IL7R: variants seen among roughly 807,000 people sequenced by gnomAD.
IL7R encodes interleukin 7 receptor.
IL7R carries 38 observed loss-of-function variants against 47.0 expected under a neutral mutation model. The observed-to-expected ratio is 0.81, with a 90% confidence interval of 0.62 to 1.06. The LOEUF (loss-of-function observed/expected upper bound fraction) is 1.06, where lower values mean the gene tolerates loss of function less well. IL7R is among the 50% of genes least tolerant of loss of function. The probability of loss-of-function intolerance (pLI) is 0.00; values close to 1 mark genes in which losing one functional copy is unlikely to be tolerated. For missense variants in IL7R, 633 were observed against 534.8 expected, an observed-to-expected ratio of 1.18 and a Z score of -1.81; for synonymous variants, 221 against 199.8, an observed-to-expected ratio of 1.11 and a Z score of -0.89.
chr5:35,873,334 C>A, intron 4 of IL7R, 146 bp from the exon 5 acceptor site: 2 of 733,360 alleles, frequency 2.7e-6, no homozygotes, highest in East Asian at 2.7e-5. Flanking sequence ...GACTCCTTTA[C>A]GTATCAGAGC....
chr5:35,867,196 C>G (rs372080447), intron 2 of IL7R, 110 bp from the exon 3 acceptor site: 25 of 961,882 alleles, frequency 2.6e-5, no homozygotes, highest in East Asian at 1.5e-4. Flanking sequence ...CACCCACATA[C>G]CTATGAACAG....
intron 2 of IL7R, among the ~76,000 whole-genome samples, chr5:35,865,233 G>C (rs1019587419): frequency 1.3e-5 from 2 of 152,104 alleles, no homozygotes; most frequent in Non-Finnish European, 2.9e-5. Flanking sequence ...CCTTGTGATA[G>C]TTTGCTGAGA....
At position 35,871,103 on chromosome 5, in the gene IL7R, G is replaced by A. The variant is rs372676633; in HGVS notation, c.427G>A (p.Ala143Thr). 4.3e-6 allele frequency: 7 copies of A among 1,612,380 alleles called. No homozygotes were observed. The East Asian group carries it at 1.1e-4, about 26-fold the overall frequency. ...CCTGAGTGTCGTCTATCGGGAAGGA[G>A]CCAATGACTTTGTGGTGACATTTAA... is the stretch of plus-strand genomic sequence containing the variant. ...FDLSVVYREGANDFVVTFNTS... is the reference protein window; with the variant it reads ...FDLSVVYREGTNDFVVTFNTS... The change falls in exon 4 of 8, where the codon GCC (alanine) becomes ACC (threonine). Residue 143 changes from alanine (A) to threonine (T), a missense_variant. Physicochemically the swap from Ala to Thr is moderately conservative, Grantham distance 58. Coordinates refer to ENST00000303115, the MANE Select transcript of IL7R (RefSeq NM_002185.5).
Position 35,873,481 on chromosome 5 carries a change from A to C in IL7R, c.539A>C (p.His180Pro), listed in dbSNP as rs193922642. 18 of 1,613,732 alleles carry C rather than the reference A, an allele frequency of 1.1e-5. No homozygotes were observed. In the Admixed American group the frequency reaches 2.7e-4, roughly 24 times the overall value. The change falls in exon 5 of 8, where the codon CAT becomes CCT. Residue 180 changes from histidine to proline, a missense_variant and splice_region_variant. Coordinates refer to ENST00000303115, the MANE Select transcript of IL7R (RefSeq NM_002185.5). ...RQEKDENKWTHVNLSSTKLTL... is the reference protein window; with the variant it reads ...RQEKDENKWTPVNLSSTKLTL... ...ATGTAACTGCACTCTACTCTCTAGC[A>C]TGTGAATTTATCCAGCACAAAGCTG...
Position 35,867,752 on chromosome 5 carries a change from T to C in IL7R, c.379+289T>C. Reference sequence around the variant, plus strand: ...GGCTTCCTGTCATCCATCACAGGTGTCCTTTCCTTCCTTATCTGTCCTTTC... The same window carrying C: ...GGCTTCCTGTCATCCATCACAGGTGCCCTTTCCTTCCTTATCTGTCCTTTC... On this transcript the variant is annotated intron_variant, in intron 3 of 7. Transcript: ENST00000303115. 4 of 594,414 alleles carry C rather than the reference T, an allele frequency of 6.7e-6. No homozygotes were observed. In the South Asian group the frequency reaches 8.5e-5, roughly 13 times the overall value. 36.8% of individuals were successfully genotyped at this position (594,414 alleles called of 1,614,324 possible). A position where few individuals can be genotyped will look rare whatever the true frequency, so the allele number is the denominator to read the frequency against.
At position 35,875,519 on chromosome 5, in the gene IL7R, C is replaced by G; in HGVS notation, c.808C>G (p.Pro270Ala). The change falls in exon 7 of 8, where the codon CCT (proline) becomes GCT (alanine). Residue 270 changes from proline to alanine, a missense_variant. Physicochemically the swap from Pro to Ala is conservative, Grantham distance 27. Coordinates refer to ENST00000303115, the MANE Select transcript of IL7R (RefSeq NM_002185.5). ...AATGTTCTCTGATTTCAGGATTAAG[C>G]CTATCGTATGGCCCAGTCTCCCCGA... ...ACVLWKKRIK[P>A]IVWPSLPDHK... is the part of the protein sequence containing the mutation. 2 of 1,610,450 alleles carry G rather than the reference C, an allele frequency of 1.2e-6. No individual in the cohort carries two copies. The highest frequency in any genetic ancestry group is 1.7e-6 in the Non-Finnish European group (2 of 1,176,642).
At chr5:35,875,723 C>T in intron 7 of IL7R, 136 bp downstream of exon 7, 1 of 811,748 alleles carries the variant, frequency 1.2e-6, no homozygotes, top group Non-Finnish European at 2.1e-6. Flanking sequence ...CCTCCTAAGA[C>T]CCTAGCTGCA....
intron 4 of IL7R, among the ~76,000 whole-genome samples, chr5:35,873,021 G>GT (rs11406102): frequency 0.21 from 31,611 of 151,154 alleles, 3,766 homozygotes; most frequent in Non-Finnish European, 0.26. Flanking sequence ...TGATAGAGTG[G>GT]TTTTTTTTTA....
In IL7R at chr5:35,873,637, A is replaced by G. The variant is rs199714011; in HGVS notation, c.695A>G (p.Asn232Ser). The G allele has an allele frequency of 5.6e-5, 91 of 1,613,814 alleles. No individual in the cohort carries two copies. In the Middle Eastern group the frequency reaches 6.6e-4, roughly 12 times the overall value. ...TATTACTTCAGAACTCCAGAGATCAATAATAGCTCAGGTAAGGAATGGTGG... is the reference window on the plus strand; with the variant it reads ...TATTACTTCAGAACTCCAGAGATCAGTAATAGCTCAGGTAAGGAATGGTGG... Reference protein sequence around the residue: ...PSYYFRTPEINNSSGEMDPIL... With the variant: ...PSYYFRTPEISNSSGEMDPIL... The change falls in exon 5 of 8, where the codon AAT (asparagine) becomes AGT (serine). Residue 232 changes from asparagine to serine, a missense_variant. By Grantham distance (46) the Asn-to-Ser change is conservative. Transcript: ENST00000303115.
chr5:35,874,411 C>T, intron 5 of IL7R, 38 bp from the exon 6 acceptor site: 2 of 1,367,002 alleles, frequency 1.5e-6, no homozygotes, highest in South Asian at 1.2e-5. Flanking sequence ...CACTGCATGG[C>T]TACTGAATGC....
At chr5:35,869,777 G>A (rs898224653) in intron 3 of IL7R, among the ~76,000 whole-genome samples, 7 of 152,166 alleles carry the variant, frequency 4.6e-5, no homozygotes, top group Non-Finnish European at 7.4e-5. Context: ...CTGTTCGGCT[G>A]TTCTCCACCC....
At chr5:35,862,074 T>TA (rs1759834355) in intron 2 of IL7R, among the ~76,000 whole-genome samples, 1 of 152,164 alleles carries the variant, frequency 6.6e-6, no homozygotes, top group African/African-American at 2.4e-5. Flanking sequence ...AGTCCTTAGA[T>TA]AAACATGCTG....
chr5:35,859,203 T>G (rs972942751), intron 1 of IL7R, among the ~76,000 whole-genome samples: 10 of 152,208 alleles, frequency 6.6e-5, no homozygotes, highest in Non-Finnish European at 1.5e-4. Context: ...GGGAGTCCTT[T>G]GTTATGTGGG....
At chr5:35,872,715 A>G (rs1379441872) in intron 4 of IL7R, among the ~76,000 whole-genome samples, 2 of 152,208 alleles carry the variant, frequency 1.3e-5, no homozygotes, top group African/African-American at 4.8e-5. Context: ...GCAACTACAT[A>G]AAAAGTGGAG....
intron 6 of IL7R, chr5:35,875,276 T>C: frequency 1.8e-6 from 1 of 559,554 alleles, no homozygotes; most frequent in Non-Finnish European, 3.2e-6. Flanking sequence ...ATTATTGTCA[T>C]GTCTTGTTCA....
At position 35,879,501 on chromosome 5, in the gene IL7R, A is replaced by G. The variant is rs1862632; in HGVS notation, c.*3015A>G. On this transcript the variant is annotated 3_prime_UTR_variant, in exon 8 of 8. Transcript: ENST00000303115. ...GTGAAGATCTCTGATTTAACCGTGTACTATCCACATGCATTACAAACATTT... is the reference window on the plus strand; with the variant it reads ...GTGAAGATCTCTGATTTAACCGTGTGCTATCCACATGCATTACAAACATTT... The G allele has an allele frequency of 0.13, 30,598 of 231,264 alleles. 2,064 individuals carry two copies. Among genetic ancestry groups the G allele is most frequent in the Admixed American group, 0.15 (2,578 of 17,698 alleles). The allele number at this position is 231,264 out of a possible 1,614,324, so 14.3% of individuals were successfully genotyped here.
rs181119085 is a variant in IL7R at position 35,865,470 on chromosome 5, T to C, written c.222-1836T>C. Among the ~76,000 whole-genome samples, 444 of 152,328 alleles carry C rather than the reference T, an allele frequency of 2.9e-3. 4 individuals are homozygous for C. The highest frequency in any genetic ancestry group is 0.01 in the African/African-American group (434 of 41,560). On this transcript the variant is annotated intron_variant, in intron 2 of 7. Coordinates refer to ENST00000303115, the MANE Select transcript of IL7R (RefSeq NM_002185.5). ...CATGATTTATACTCCTTTGGGTATATACCCAGTAATGGGATGGCTGGGTCA... is the reference window on the plus strand; with the variant it reads ...CATGATTTATACTCCTTTGGGTATACACCCAGTAATGGGATGGCTGGGTCA...
chr5:35,873,112 G>A (rs1760114085), intron 4 of IL7R: 1 of 263,264 alleles, frequency 3.8e-6, no homozygotes, highest in African/African-American at 2.2e-5. Flanking sequence ...TCTTTCTGGA[G>A]AGAAATGATT....
intron 4 of IL7R, among the ~76,000 whole-genome samples, chr5:35,871,619 G>A (rs1206624672): frequency 6.6e-6 from 1 of 152,198 alleles, no homozygotes; most frequent in Non-Finnish European, 1.5e-5. Flanking sequence ...CATGGGACCA[G>A]CATGAGGTAA....
Sources: gnomAD v4.1 joint callset for allele counts (sites outside exome capture counted in the v4.1 genomes callset) on GRCh38, gnomAD v4.1.1 for gene constraint, MANE v1.5 for transcripts, NCBI Gene and HGNC (gene_info 2026-07-23, HGNC 2026-07-21) for gene names.